The following PLEKHA6 variants were observed in gnomAD, a reference collection of about 807,000 sequenced individuals.
PLEKHA6 encodes pleckstrin homology domain-containing family A member 6.
Under a neutral mutation model 116.7 loss-of-function variants are expected in PLEKHA6, and 60 were observed. The observed-to-expected ratio is 0.51, with a 90% CI of 0.42 to 0.64. PLEKHA6 has a LOEUF of 0.64. Among genes scored for constraint, PLEKHA6 ranks in the 30% least tolerant of loss-of-function variants. The pLI, the probability that PLEKHA6 is intolerant of heterozygous loss-of-function variation, is 0.00. For synonymous variants in PLEKHA6, 489 were observed against 556.1 expected (o/e 0.88, Z 1.70); for missense variants, 1,338 against 1,422.7 (o/e 0.94, Z 0.96).
chr1:204,315,370 A>G (rs1671817302), intron 1 of PLEKHA6, among the ~76,000 whole-genome samples: 1 of 152,116 alleles, frequency 6.6e-6, no homozygotes, highest in Non-Finnish European at 1.5e-5. Flanking sequence ...GTCATATTCT[A>G]TGGCTCCATG....
At chr1:204,275,826 G>T in intron 1 of PLEKHA6, 2 of 449,324 alleles carry the variant, frequency 4.5e-6, no homozygotes, top group Non-Finnish European at 2.9e-6. Context: ...TGAGTTAAGG[G>T]CCTTTTCACC....
At position 204,241,799 on chromosome 1, in the gene PLEKHA6, C is replaced by G; in HGVS notation, c.2188G>C (p.Glu730Gln). 6.2e-7 allele frequency: 1 copy of G among 1,614,106 alleles called. No individual in the cohort carries two copies. The highest frequency in any genetic ancestry group is 1.6e-4 in the Middle Eastern group (1 of 6,062). ...TGGTGGGGGTCTTTCTTGCTTTGTT[C>G]ATAGTTTGCCTTGGGCTGGGGAGAA... ...PGSNEPKANY[E>Q]QSKKDPHQTL... is the part of the protein sequence containing the mutation. The change falls in exon 16 of 23, where the codon GAA becomes CAA. Residue 730 changes from glutamate (E) to glutamine (Q), a missense_variant. Coordinates refer to ENST00000272203, the MANE Select transcript of PLEKHA6 (RefSeq NM_014935.5).
intron 1 of PLEKHA6, among the ~76,000 whole-genome samples, chr1:204,358,214 CT>C (rs1673468224): frequency 6.6e-6 from 1 of 152,202 alleles, no homozygotes; most frequent in African/African-American, 2.4e-5. Flanking sequence ...ACTCTGTGCC[CT>C]TGTGCAAAGA....
intron 1 of PLEKHA6, among the ~76,000 whole-genome samples, chr1:204,331,517 G>A (rs1376915687): frequency 1.3e-5 from 2 of 152,152 alleles, no homozygotes; most frequent in Non-Finnish European, 2.9e-5. Context: ...TGGGAGAGAA[G>A]AGAAGAACAT....
intron 15 of PLEKHA6, among the ~76,000 whole-genome samples, chr1:204,242,049 C>G (rs1662902524): frequency 6.6e-6 from 1 of 152,160 alleles, no homozygotes; most frequent in South Asian, 2.1e-4. Context: ...GCTCATGGCC[C>G]CTAGGAGGCC....
intron 1 of PLEKHA6, among the ~76,000 whole-genome samples, chr1:204,318,228 C>T (rs901192579): frequency 6.6e-6 from 1 of 152,156 alleles, no homozygotes; most frequent in African/African-American, 2.4e-5. Context: ...AGACAGAGGT[C>T]ACTGGAGGAG....
In PLEKHA6 at chr1:204,297,890, T is replaced by C. The variant is rs936529560; in HGVS notation, c.-94-23081A>G. On this transcript the variant is annotated intron_variant, in intron 1 of 22. Coordinates refer to ENST00000272203, the MANE Select transcript of PLEKHA6 (RefSeq NM_014935.5). ...CCACAAGGTCCATCAATGTGAGTGATAGAGGGAAGACGGCATCTTGATCTA... is the reference window on the plus strand; with the variant it reads ...CCACAAGGTCCATCAATGTGAGTGACAGAGGGAAGACGGCATCTTGATCTA... 1.0e-5 allele frequency: 10 copies of C among 985,052 alleles called. No individual in the cohort carries two copies. The Admixed American group carries it at 3.1e-4, about 30-fold the overall frequency. The allele number at this position is 985,052 out of a possible 1,614,324, so 61.0% of individuals were successfully genotyped here.
chr1:204,260,742 C>T (rs1223626422), intron 7 of PLEKHA6, among the ~76,000 whole-genome samples: 3 of 152,190 alleles, frequency 2.0e-5, no homozygotes, highest in South Asian at 2.1e-4. Context: ...GAGAGACAGA[C>T]GCTGAGACCG....
intron 1 of PLEKHA6, 174 bp from the exon 2 acceptor site, chr1:204,274,983 G>GGGT: frequency 1.3e-6 from 1 of 766,166 alleles, no homozygotes; most frequent in Non-Finnish European, 1.6e-6. Context: ...ATGAGGGTGG[G>GGGT]GGCGGGGTGG....
At chr1:204,290,316 G>A (rs1030460420) in intron 1 of PLEKHA6, among the ~76,000 whole-genome samples, 21 of 152,102 alleles carry the variant, frequency 1.4e-4, no homozygotes, top group Non-Finnish European at 2.8e-4. Flanking sequence ...ACAATGTAGT[G>A]TTGGCATAAA....
intron 1 of PLEKHA6, among the ~76,000 whole-genome samples, chr1:204,290,762 G>C (rs1007659176): frequency 2.0e-5 from 3 of 152,120 alleles, no homozygotes; most frequent in African/African-American, 7.2e-5. Flanking sequence ...TGCCAAGGTG[G>C]GGAGATCACT....
At chr1:204,360,914 A>C (rs1251168479), upstream of PLEKHA6, among the ~76,000 whole-genome samples, 1 of 152,184 alleles carries the variant, frequency 6.6e-6, no homozygotes, top group African/African-American at 2.4e-5. Context: ...CCCTTTATCC[A>C]CATCTCTCTC....
Position 204,228,596 on chromosome 1 carries a change from C to T in PLEKHA6, c.2885+132G>A. ...GCCTCTGCCGGTAGCTGGGCCCTGT[C>T]TGCTGCCTGGAGTCACCACCTCGAT... On this transcript the variant is annotated intron_variant, in intron 20 of 22. Transcript: ENST00000272203. This position sits in a 1 kb window ranked among gnomAD's most constrained non-coding sequence, Gnocchi z 4.0. 1 of 810,504 alleles carries T rather than the reference C, an allele frequency of 1.2e-6. No individual in the cohort carries two copies. The highest frequency in any genetic ancestry group is 2.0e-6 in the Non-Finnish European group (1 of 492,008). 50.2% of individuals were successfully genotyped at this position (810,504 alleles called of 1,614,324 possible). A position where few individuals can be genotyped will look rare whatever the true frequency, so the allele number is the denominator to read the frequency against.
intron 1 of PLEKHA6, among the ~76,000 whole-genome samples, chr1:204,335,273 A>C (rs1242367471): frequency 1.3e-5 from 2 of 152,080 alleles, no homozygotes; most frequent in Non-Finnish European, 2.9e-5. Flanking sequence ...AATCCAGGAA[A>C]GCAGAATGGC....
chr1:204,257,618 G>A lies in PLEKHA6; in HGVS notation c.1259C>T (p.Ala420Val). 1 of 1,609,248 alleles carries A rather than the reference G, an allele frequency of 6.2e-7. No individual in the cohort carries two copies. The highest frequency in any genetic ancestry group is 2.2e-5 in the East Asian group (1 of 44,778). Reference sequence around the variant, plus strand: ...GGAGGGGCTTGGGATCCAGACGGTGGCATCCTGCCGCCCGTAGCTGGCGGG... The same window carrying A: ...GGAGGGGCTTGGGATCCAGACGGTGACATCCTGCCGCCCGTAGCTGGCGGG... ...KEPASYGRQD[A>V]TVWIPSPSRQ... Residue 420 changes from alanine (A) to valine (V), a missense_variant, in exon 9 of 23, where the codon GCC becomes GTC. Around this residue, in one of 3 missense-constraint regions of PLEKHA6, gnomAD observed 1,136 missense variants for 1,163.6 expected, o/e 0.98. Transcript: ENST00000272203. The surrounding 1 kb of genome is among the most constrained non-coding windows in gnomAD (Gnocchi z 6.5).
intron 1 of PLEKHA6, chr1:204,301,293 T>C: frequency 1.0e-6 from 1 of 965,956 alleles, no homozygotes; most frequent in Non-Finnish European, 1.2e-6. Context: ...TCATCACCAG[T>C]CTGGAGAGTC....
intron 1 of PLEKHA6, among the ~76,000 whole-genome samples, chr1:204,351,184 C>T: frequency 6.6e-6 from 1 of 151,988 alleles, no homozygotes; most frequent in African/African-American, 2.4e-5. Context: ...CTGGCCCAGG[C>T]AGGGGGAGTG....
chr1:204,236,858 T>C (rs1366486212), intron 17 of PLEKHA6, among the ~76,000 whole-genome samples: 2 of 152,156 alleles, frequency 1.3e-5, no homozygotes, highest in South Asian at 2.1e-4. Flanking sequence ...TCAATTTCCA[T>C]TCTTGAGCCA....
At chr1:204,339,212 G>A (rs1381973857) in intron 1 of PLEKHA6, among the ~76,000 whole-genome samples, 1 of 152,234 alleles carries the variant, frequency 6.6e-6, no homozygotes, top group Non-Finnish European at 1.5e-5. Context: ...TGCCAGACAT[G>A]TGAGGAGCCT....
Sources: allele counts gnomAD v4.1 joint callset (sites outside exome capture counted in the v4.1 genomes callset), GRCh38; gene constraint gnomAD v4.1.1; regional missense constraint gnomAD v4.1.1; non-coding constraint Gnocchi (gnomAD v3.1); transcripts MANE v1.5; gene names NCBI Gene and HGNC (gene_info 2026-07-23, HGNC 2026-07-21).